Variants in NRXN1 observed in about 807,000 individuals in gnomAD.
NRXN1 encodes the protein neurexin 1.
NRXN1 carries 39 observed loss-of-function variants against 150.9 expected under a neutral mutation model. That is an observed-to-expected ratio of 0.26 (90% CI 0.20 to 0.34). The LOEUF (loss-of-function observed/expected upper bound fraction) is 0.34. NRXN1 is among the 10% of genes least tolerant of loss of function. The pLI is 1.00. For missense variants in NRXN1, 1,815 were observed against 1,949.9 expected, an observed-to-expected ratio of 0.93 and a Z score of 1.30; for synonymous variants, 924 against 757.0, an observed-to-expected ratio of 1.22 and a Z score of -3.62.
chr2:50,966,938 A>G (rs1383001537), intron 2 of NRXN1, among the ~76,000 whole-genome samples: 1 of 151,916 alleles, frequency 6.6e-6, no homozygotes, highest in African/African-American at 2.4e-5. Context: ...TCTCTTGGAT[A>G]TATTCAAACT....
intron 8 of NRXN1, among the ~76,000 whole-genome samples, chr2:50,561,154 T>G (rs879620177): frequency 4.6e-5 from 7 of 152,192 alleles, no homozygotes; most frequent in African/African-American, 1.7e-4. Flanking sequence ...GTGAACTGCT[T>G]AAAGTTACTG....
intron 19 of NRXN1, among the ~76,000 whole-genome samples, chr2:50,058,108 TG>T (rs1693931651): frequency 6.6e-6 from 1 of 152,186 alleles, no homozygotes; most frequent in Non-Finnish European, 1.5e-5. Context: ...CTCAAACATT[TG>T]ACTAGTACTA....
intron 21 of NRXN1, among the ~76,000 whole-genome samples, chr2:50,049,017 G>A (rs1398307603): frequency 6.6e-6 from 1 of 152,078 alleles, no homozygotes; most frequent in Admixed American, 6.6e-5. Flanking sequence ...TAAAAACCAG[G>A]CAAGGATACC....
At chr2:50,616,262 T>C (rs886706372) in intron 8 of NRXN1, 1 of 152,178 alleles carries the variant, frequency 6.6e-6, no homozygotes, top group Non-Finnish European at 1.5e-5. Flanking sequence ...CCATATGAAG[T>C]TCAGGTTAGG....
chr2:49,966,438 T>A (rs1676977876), intron 21 of NRXN1, among the ~76,000 whole-genome samples: 2 of 152,070 alleles, frequency 1.3e-5, no homozygotes, highest in African/African-American at 4.8e-5. Context: ...AGATGCAGAT[T>A]CATCTCAAAA....
chr2:50,901,881 C>T (rs1683006869), intron 5 of NRXN1, among the ~76,000 whole-genome samples: 1 of 152,130 alleles, frequency 6.6e-6, no homozygotes, highest in South Asian at 2.1e-4. Context: ...AAAATGTTTT[C>T]ATTTATCATT....
At chr2:50,786,149 T>C (rs1173758801) in intron 5 of NRXN1, among the ~76,000 whole-genome samples, 1 of 152,096 alleles carries the variant, frequency 6.6e-6, no homozygotes, top group African/African-American at 2.4e-5. Flanking sequence ...TTAAAAAATA[T>C]GAACTGTAAT....
intron 17 of NRXN1, among the ~76,000 whole-genome samples, chr2:50,285,125 A>C (rs2071963518): frequency 6.6e-6 from 1 of 152,202 alleles, no homozygotes; most frequent in Admixed American, 6.5e-5. Context: ...AAATGTTTGC[A>C]ATGCAAAAAT....
intron 5 of NRXN1, among the ~76,000 whole-genome samples, chr2:50,765,421 G>A (rs192968588): frequency 1.3e-5 from 2 of 152,136 alleles, no homozygotes; most frequent in Admixed American, 6.5e-5. Context: ...CACCACCTAC[G>A]TGTTTCTCTA....
At chr2:49,975,259 C>G (rs1030115089) in intron 21 of NRXN1, among the ~76,000 whole-genome samples, 1 of 151,648 alleles carries the variant, frequency 6.6e-6, no homozygotes, top group African/African-American at 2.4e-5. Context: ...AATAAAATTT[C>G]TAGAAGAAAA....
chr2:50,715,429 A>G (rs1047117914), intron 5 of NRXN1, among the ~76,000 whole-genome samples: 1 of 152,172 alleles, frequency 6.6e-6, no homozygotes, highest in Admixed American at 6.6e-5. Context: ...GGTTGCTGTA[A>G]AGATTAAATA....
At position 50,111,532 on chromosome 2, in the gene NRXN1, T is replaced by G. The variant is rs563059360; in HGVS notation, c.3547-20038A>C. Among the ~76,000 whole-genome samples the G allele has an allele frequency of 4.0e-5, 6 of 151,788 alleles. No individual in the cohort carries two copies. The South Asian group carries it at 1.3e-3, about 32-fold the overall frequency. ...TATGCACCTGTAATTCCAGCTACTC[T>G]GGGGACTGAAGCAGGAGAATAGCTA... is the stretch of plus-strand genomic sequence containing the variant. On this transcript the variant is annotated intron_variant, in intron 18 of 22. Coordinates refer to ENST00000401669, the MANE Select transcript of NRXN1 (RefSeq NM_001330078.2).
chr2:50,940,503 A>C (rs1689262464), intron 2 of NRXN1, among the ~76,000 whole-genome samples: 2 of 151,874 alleles, frequency 1.3e-5, no homozygotes. Context: ...AAGAAAAGAA[A>C]ACCAAAGGCC....
At chr2:49,993,186 A>C (rs1682322562) in intron 21 of NRXN1, among the ~76,000 whole-genome samples, 1 of 152,214 alleles carries the variant, frequency 6.6e-6, no homozygotes, top group Admixed American at 6.5e-5. Flanking sequence ...TAAACGGGTA[A>C]ATAAATGGTG....
Position 49,934,874 on chromosome 2 carries a change from C to T in NRXN1, c.4216+8830G>A, listed in dbSNP as rs934883902. ...AAGAAGAGCAGATGATACGTGCCCT[C>T]CTCCTACCATAGGAACCTAAATTTA... On this transcript the variant is annotated intron_variant, in intron 22 of 22. Transcript: ENST00000401669. Among the ~76,000 whole-genome samples the T allele has an allele frequency of 2.6e-5, 4 of 152,138 alleles. No individual in the cohort carries two copies. In the East Asian group the frequency reaches 7.7e-4, roughly 29 times the overall value.
intron 21 of NRXN1, among the ~76,000 whole-genome samples, chr2:49,960,574 A>C (rs1481668570): frequency 6.6e-6 from 1 of 152,196 alleles, no homozygotes; most frequent in Non-Finnish European, 1.5e-5. Context: ...TTATTTAAAG[A>C]TGTTGCATTA....
rs764073226 is a variant in NRXN1, at chr2:50,019,641, C to CA, written c.4128+33629dup. Among the ~76,000 whole-genome samples, 255 of 25,528 alleles carry CA rather than the reference C, an allele frequency of 1.0e-2. 17 individuals are homozygous for CA. Among genetic ancestry groups the CA allele is most frequent in the South Asian group, 0.046 (27 of 588 alleles). The allele number at this position is 25,528 out of a possible 152,430, so 16.7% of individuals were successfully genotyped here. ...TGTAAGAAGGAGCAAGATTCCGTCTCAAAAAAAAAAAAAAAAAAAAGGAGG... is the reference window on the plus strand; with the variant it reads ...TGTAAGAAGGAGCAAGATTCCGTCTCAAAAAAAAAAAAAAAAAAAAAGGAGG... On this transcript the variant is annotated intron_variant, in intron 21 of 22. Transcript: ENST00000401669.
intron 17 of NRXN1, among the ~76,000 whole-genome samples, chr2:50,245,861 G>A (rs1311600093): frequency 6.6e-6 from 1 of 151,546 alleles, no homozygotes; most frequent in East Asian, 1.9e-4. Flanking sequence ...GAGAAACCAA[G>A]TGTCTTCTCA....
chr2:50,442,018 T>G (rs942815833), intron 17 of NRXN1, among the ~76,000 whole-genome samples: 1 of 152,180 alleles, frequency 6.6e-6, no homozygotes, highest in Admixed American at 6.6e-5. Context: ...GTCTCTCTAG[T>G]CAGCCTTCAG....
Sources: allele counts gnomAD v4.1 joint callset (sites outside exome capture counted in the v4.1 genomes callset), GRCh38; gene constraint gnomAD v4.1.1; transcripts MANE v1.5; gene names NCBI Gene and HGNC (gene_info 2026-07-23, HGNC 2026-07-21).